The following CATSPERE variants were observed in gnomAD, a reference collection of about 807,000 sequenced individuals.
CATSPERE encodes the protein cation channel sperm-associated auxiliary subunit epsilon.
CATSPERE carries 93 observed loss-of-function variants against 114.1 expected under a neutral mutation model. That is an observed-to-expected ratio of 0.81 (90% CI 0.69 to 0.97). CATSPERE has a LOEUF of 0.97. CATSPERE is among the 50% of genes least tolerant of loss of function. The pLI is 0.00. For synonymous variants in CATSPERE, 341 were observed against 384.1 expected (o/e 0.89, Z 1.31); for missense variants, 1,058 against 1,131.6 (o/e 0.93, Z 0.93).
intron 8 of CATSPERE, among the ~76,000 whole-genome samples, chr1:244,524,141 T>C (rs1026803405): frequency 6.7e-6 from 1 of 149,108 alleles, no homozygotes; most frequent in South Asian, 2.1e-4. Flanking sequence ...AAAACAGAGA[T>C]ATAGATCAAT....
Position 244,588,629 on chromosome 1 carries a change from G to A in CATSPERE, c.2138+95G>A. On this transcript the variant is annotated intron_variant, in intron 14 of 21. Coordinates refer to ENST00000366534, the MANE Select transcript of CATSPERE (RefSeq NM_001130957.2). ...TGCTAGTGATAATAGCCTAATGACT[G>A]ACACATCCACAATGAAATCCAAAAC... 4.3e-6 allele frequency: 4 copies of A among 932,506 alleles called. No homozygotes were observed. In the South Asian group the frequency reaches 5.5e-5, roughly 13 times the overall value. The allele number at this position is 932,506 out of a possible 1,614,324, so 57.8% of individuals were successfully genotyped here. A position where few individuals can be genotyped will look rare whatever the true frequency, so the allele number is the denominator to read the frequency against.
intron 1 of CATSPERE, among the ~76,000 whole-genome samples, chr1:244,463,384 A>G (rs2148069942): frequency 6.6e-6 from 1 of 152,210 alleles, no homozygotes; most frequent in Non-Finnish European, 1.5e-5. Flanking sequence ...ACTAAAAAAT[A>G]CAAAAATTAG....
chr1:244,599,955 T>C (rs1454852758), intron 17 of CATSPERE, among the ~76,000 whole-genome samples: 1 of 152,144 alleles, frequency 6.6e-6, no homozygotes, highest in Non-Finnish European at 1.5e-5. Context: ...ATGACCTGGA[T>C]TTTTTTAAAG....
chr1:244,508,307 T>TC (rs1246931906), intron 7 of CATSPERE, among the ~76,000 whole-genome samples: 1 of 149,682 alleles, frequency 6.7e-6, no homozygotes, highest in East Asian at 1.9e-4. Context: ...TCTTTTCTTT[T>TC]TTTTTTTTTT....
intron 17 of CATSPERE, among the ~76,000 whole-genome samples, chr1:244,600,371 A>AAAG (rs1553378519): frequency 0.014 from 2,034 of 144,974 alleles, 31 homozygotes; most frequent in Middle Eastern, 0.041. Context: ...AAAAAAAAAA[A>AAAG]AGAGAGAGAG....
intron 5 of CATSPERE, among the ~76,000 whole-genome samples, chr1:244,484,448 T>C (rs1670694413): frequency 6.6e-6 from 1 of 152,234 alleles, no homozygotes; most frequent in African/African-American, 2.4e-5. Context: ...CTGTCTTTCA[T>C]TACTGGTGGG....
Position 244,552,737 on chromosome 1 carries a change from G to A in CATSPERE, c.952G>A (p.Gly318Arg). The A allele has an allele frequency of 6.2e-7, 1 of 1,613,454 alleles. No individual in the cohort carries two copies. The highest frequency in any genetic ancestry group is 1.1e-5 in the South Asian group (1 of 90,924). ...TTTTCGTGGATTTATAAGACTGGGA[G>A]GAATTGTAAATCTTCCTGATGGTGG... ...KSFRGFIRLG[G>R]IVNLPDGGIT... Residue 318 changes from glycine (G) to arginine (R), a missense_variant, in exon 9 of 22, where the codon GGA becomes AGA. Transcript: ENST00000366534.
intron 8 of CATSPERE, among the ~76,000 whole-genome samples, chr1:244,543,556 T>A (rs1659214730): frequency 6.6e-6 from 1 of 151,444 alleles, no homozygotes; most frequent in African/African-American, 2.4e-5. Flanking sequence ...GAGTAAGTTG[T>A]CAGATTATTG....
At chr1:244,572,233 C>G (rs926613723) in intron 10 of CATSPERE, 97 bp from the exon 11 acceptor site, 2 of 664,336 alleles carry the variant, frequency 3.0e-6, no homozygotes, top group African/African-American at 3.7e-5. Context: ...AATACTCGGT[C>G]ATTATCAAAG....
chr1:244,481,627 T>C (rs1670276129), intron 5 of CATSPERE, among the ~76,000 whole-genome samples: 1 of 152,054 alleles, frequency 6.6e-6, no homozygotes, highest in South Asian at 2.1e-4. Flanking sequence ...CCCACCCCAT[T>C]TACCCCCAAA....
At chr1:244,624,107 G>A (rs958557684) in intron 20 of CATSPERE, among the ~76,000 whole-genome samples, 83 of 146,950 alleles carry the variant, frequency 5.6e-4, no homozygotes, top group African/African-American at 1.9e-3. Context: ...AACTACAGGC[G>A]TCCGCCACCA....
chr1:244,527,916 T>C (rs544631881), intron 8 of CATSPERE, among the ~76,000 whole-genome samples: 1 of 152,272 alleles, frequency 6.6e-6, no homozygotes, highest in South Asian at 2.1e-4. Context: ...TTTTCCACTT[T>C]CTGTAAAGAC....
At chr1:244,460,305 C>T (rs951706611), upstream of CATSPERE, among the ~76,000 whole-genome samples, 2 of 152,190 alleles carry the variant, frequency 1.3e-5, no homozygotes, top group African/African-American at 4.8e-5. Context: ...TTGCCCTAAA[C>T]CGCTCCTAAG....
At chr1:244,537,072 CTAAGT>C (rs1443924193) in intron 8 of CATSPERE, among the ~76,000 whole-genome samples, 1 of 152,088 alleles carries the variant, frequency 6.6e-6, no homozygotes, top group Non-Finnish European at 1.5e-5. Flanking sequence ...ATTTCCAGTG[CTAAGT>C]TGAGTAGAAA....
intron 6 of CATSPERE, 21 bp downstream of exon 6, chr1:244,490,492 T>G (rs1671874044): frequency 2.2e-6 from 3 of 1,382,942 alleles, no homozygotes; most frequent in South Asian, 2.4e-5. Flanking sequence ...TTTTAAATTT[T>G]GTATAGCCTT....
intron 21 of CATSPERE, among the ~76,000 whole-genome samples, chr1:244,637,924 C>T (rs1055419986): frequency 2.0e-5 from 3 of 152,164 alleles, no homozygotes; most frequent in African/African-American, 7.2e-5. Context: ...CATCTACATC[C>T]ATCCTCTCCT....
rs74226459 is a variant in CATSPERE at position 244,634,203 on chromosome 1, G to T, written c.2649-1286G>T. Among the ~76,000 whole-genome samples, 18 of 152,166 alleles carry T rather than the reference G, an allele frequency of 1.2e-4. No individual in the cohort carries two copies. In the East Asian group the frequency reaches 2.9e-3, roughly 24 times the overall value. On this transcript the variant is annotated intron_variant, in intron 20 of 21. Transcript: ENST00000366534. ...TAGTATCTTGTATTGTTGTTTGTGG[G>T]TTGTATTTACATGCCAATTCCACAA...
At chr1:244,582,993 C>T (rs1666460055) in intron 12 of CATSPERE, among the ~76,000 whole-genome samples, 1 of 64,502 alleles carries the variant, frequency 1.6e-5, no homozygotes, top group African/African-American at 4.8e-5. Context: ...GTGACAGAGA[C>T]TGATCAGGAA....
rs1404896409 is a variant in CATSPERE at position 244,640,189 on chromosome 1, G to A, written c.*108G>A. The A allele has an allele frequency of 1.2e-5, 8 of 681,846 alleles. No homozygotes were observed. The highest frequency in any genetic ancestry group is 9.0e-5 in the African/African-American group (2 of 22,182). 42.2% of individuals were successfully genotyped at this position (681,846 alleles called of 1,614,324 possible). On this transcript the variant is annotated 3_prime_UTR_variant, in exon 22 of 22. Coordinates refer to ENST00000366534, the MANE Select transcript of CATSPERE (RefSeq NM_001130957.2). ...ACCAAGAAATACTAAATATAAGCTC[G>A]TAGTAGGCATCACCAAATTCAAGAT...
Sources: gnomAD v4.1 joint callset for allele counts (sites outside exome capture counted in the v4.1 genomes callset) on GRCh38, gnomAD v4.1.1 for gene constraint, MANE v1.5 for transcripts, NCBI Gene and HGNC (gene_info 2026-07-23, HGNC 2026-07-21) for gene names.